Variants in GRID2 observed in about 807,000 individuals in gnomAD.
The protein encoded by GRID2 is glutamate ionotropic receptor delta type subunit 2.
In GRID2, 33 loss-of-function variants were observed where a neutral mutation model predicts 114.8. The observed-to-expected ratio is 0.29, with a 90% confidence interval of 0.22 to 0.38. The LOEUF is 0.38. Among genes scored for constraint, GRID2 ranks in the 10% least tolerant of loss-of-function variants. The pLI, the probability that GRID2 is intolerant of heterozygous loss-of-function variation, is 1.00. For synonymous variants in GRID2, 505 were observed against 449.9 expected, an observed-to-expected ratio of 1.12 and a Z score of -1.55; for missense variants, 1,184 against 1,257.7, an observed-to-expected ratio of 0.94 and a Z score of 0.89.
chr4:92,531,152 T>C (rs997403879), intron 1 of GRID2, among the ~76,000 whole-genome samples: 8 of 152,166 alleles, frequency 5.3e-5, no homozygotes, highest in Middle Eastern at 3.4e-3. Context: ...ATTGGAAATA[T>C]TTGCTAATCA....
At chr4:92,357,505 C>T (rs1728386137) in intron 1 of GRID2, among the ~76,000 whole-genome samples, 1 of 151,880 alleles carries the variant, frequency 6.6e-6, no homozygotes, top group Non-Finnish European at 1.5e-5. Flanking sequence ...AAAGGATATA[C>T]AGTTGCTTTT....
intron 13 of GRID2, among the ~76,000 whole-genome samples, chr4:93,534,242 C>T (rs556835722): frequency 6.6e-6 from 1 of 152,126 alleles, no homozygotes; most frequent in East Asian, 1.9e-4. Flanking sequence ...TAGCATATGT[C>T]ACTTACTAAT....
intron 13 of GRID2, among the ~76,000 whole-genome samples, chr4:93,562,176 C>A (rs1734986951): frequency 6.7e-6 from 1 of 149,302 alleles, no homozygotes; most frequent in Non-Finnish European, 1.5e-5. Context: ...AAATTCTCAT[C>A]AGCATTTGGT....
At chr4:92,464,616 A>G (rs932841209) in intron 1 of GRID2, among the ~76,000 whole-genome samples, 1 of 152,148 alleles carries the variant, frequency 6.6e-6, no homozygotes, top group African/African-American at 2.4e-5. Flanking sequence ...GTTCAACTCC[A>G]TAAAATAGCA....
intron 2 of GRID2, among the ~76,000 whole-genome samples, chr4:93,019,237 A>G (rs1723050354): frequency 6.6e-6 from 1 of 152,178 alleles, no homozygotes; most frequent in African/African-American, 2.4e-5. Flanking sequence ...ACACATATAC[A>G]TACTAGAAGA....
At chr4:93,614,587 A>C (rs1161500657) in intron 13 of GRID2, among the ~76,000 whole-genome samples, 1 of 152,258 alleles carries the variant, frequency 6.6e-6, no homozygotes, top group East Asian at 1.9e-4. Context: ...TTTTTATTAC[A>C]AAATGCTATA....
At chr4:93,763,026 T>A (rs1465566576) in intron 14 of GRID2, among the ~76,000 whole-genome samples, 2 of 152,094 alleles carry the variant, frequency 1.3e-5, no homozygotes, top group South Asian at 2.1e-4. Context: ...AGCCAACTTT[T>A]AGCACCTATA....
intron 2 of GRID2, among the ~76,000 whole-genome samples, chr4:92,802,184 G>A (rs1426283898): frequency 6.6e-6 from 1 of 151,796 alleles, no homozygotes; most frequent in Non-Finnish European, 1.5e-5. Context: ...AGAAGGCACA[G>A]AGATTTTCCA....
At chr4:92,693,786 T>C (rs1167721007) in intron 2 of GRID2, among the ~76,000 whole-genome samples, 1 of 152,244 alleles carries the variant, frequency 6.6e-6, no homozygotes, top group Non-Finnish European at 1.5e-5. Context: ...TTATAGTTAT[T>C]AAATGCTTAC....
At chr4:93,019,365 A>C (rs1417395067) in intron 2 of GRID2, among the ~76,000 whole-genome samples, 2 of 152,102 alleles carry the variant, frequency 1.3e-5, no homozygotes, top group Non-Finnish European at 2.9e-5. Flanking sequence ...TGAGTTTTTC[A>C]AGCTGTCTTC....
At chr4:93,502,714 C>CA (rs1057478963) in intron 12 of GRID2, among the ~76,000 whole-genome samples, 22 of 132,528 alleles carry the variant, frequency 1.7e-4, no homozygotes, top group African/African-American at 5.7e-4. Flanking sequence ...CACTCCCCCC[C>CA]CCCACACACA....
At chr4:93,471,267 T>C (rs1448303258) in intron 11 of GRID2, among the ~76,000 whole-genome samples, 2 of 152,216 alleles carry the variant, frequency 1.3e-5, no homozygotes, top group African/African-American at 4.8e-5. Context: ...TAACTGAGGC[T>C]GTGCTGCTTC....
At chr4:93,469,387 T>A (rs1401731866) in intron 11 of GRID2, among the ~76,000 whole-genome samples, 1 of 152,036 alleles carries the variant, frequency 6.6e-6, no homozygotes. Context: ...CAGAGTAGAA[T>A]TAAATAAGGC....
At chr4:92,677,802 T>C (rs1401174639) in intron 2 of GRID2, among the ~76,000 whole-genome samples, 2 of 152,094 alleles carry the variant, frequency 1.3e-5, no homozygotes, top group African/African-American at 2.4e-5. Flanking sequence ...CTTTTGTTTG[T>C]TTGTTTAATA....
chr4:93,500,138 G>C (rs1042466005), intron 12 of GRID2, among the ~76,000 whole-genome samples: 1 of 151,906 alleles, frequency 6.6e-6, no homozygotes, highest in Non-Finnish European at 1.5e-5. Context: ...AGTCAGTAAC[G>C]GGAGACTGGA....
Position 92,861,806 on chromosome 4 carries a change from A to T in GRID2, c.245-223189A>T, listed in dbSNP as rs372126701. Among the ~76,000 whole-genome samples, 39 of 152,142 alleles carry T rather than the reference A, an allele frequency of 2.6e-4. No individual in the cohort carries two copies. The East Asian group carries it at 7.4e-3, about 29-fold the overall frequency. On this transcript the variant is annotated intron_variant, in intron 2 of 15. Transcript: ENST00000282020. ...TCCTTGTTCCTATTGTTCACATTTT[A>T]GCTCCAATTTTACCTTCCCACCTCA...
At chr4:93,731,755 TCTC>T (rs1730501628) in intron 14 of GRID2, among the ~76,000 whole-genome samples, 1 of 152,118 alleles carries the variant, frequency 6.6e-6, no homozygotes, top group Non-Finnish European at 1.5e-5. Context: ...ACTTATCTCT[TCTC>T]CTCTCTAAAA....
chr4:92,571,797 A>G (rs1433877257), intron 1 of GRID2, among the ~76,000 whole-genome samples: 3 of 151,850 alleles, frequency 2.0e-5, no homozygotes, highest in Non-Finnish European at 4.4e-5. Flanking sequence ...GGTACATAAC[A>G]AAATGAAGGC....
At chr4:93,313,157 G>A (rs1756206562) in intron 8 of GRID2, among the ~76,000 whole-genome samples, 1 of 151,596 alleles carries the variant, frequency 6.6e-6, no homozygotes, top group Non-Finnish European at 1.5e-5. Flanking sequence ...CAGGCAAATA[G>A]GAAAAAAATC....
Sources: allele counts gnomAD v4.1 joint callset (sites outside exome capture counted in the v4.1 genomes callset), GRCh38; gene constraint gnomAD v4.1.1; transcripts MANE v1.5; gene names NCBI Gene and HGNC (gene_info 2026-07-23, HGNC 2026-07-21).